Variants in SEPTIN8 observed in about 807,000 individuals in gnomAD.
SEPTIN8 encodes septin 8, also known as septin-8.
A neutral mutation model predicts 53.1 loss-of-function variants in SEPTIN8; 22 were observed. The ratio of observed to expected loss-of-function variants is 0.41; its 90% confidence interval spans 0.30 to 0.59. The LOEUF (loss-of-function observed/expected upper bound fraction) is 0.59. SEPTIN8 is among the 20% of genes least tolerant of loss of function. SEPTIN8 has a pLI of 0.24. For missense variants in SEPTIN8, 536 were observed against 638.7 expected, an observed-to-expected ratio of 0.84 and a Z score of 1.73; for synonymous variants, 228 against 248.4, an observed-to-expected ratio of 0.92 and a Z score of 0.77.
Position 132,764,436 on chromosome 5 carries a change from G to T in SEPTIN8, c.152-17C>A. On this transcript the variant is annotated splice_polypyrimidine_tract_variant and intron_variant, in intron 2 of 9. Transcript: ENST00000378719. ...CGGTCTCCCCTGGGCAGTGAGGACA[G>T]GAGGGGAAGAAGTGGGTGTCATAGG... The T allele has an allele frequency of 6.2e-7, 1 of 1,601,698 alleles. No homozygotes were observed. Among genetic ancestry groups the T allele is most frequent in the Non-Finnish European group, 8.5e-7 (1 of 1,172,534 alleles).
intron 2 of SEPTIN8, among the ~76,000 whole-genome samples, 181 bp downstream of exon 2, chr5:132,765,228 G>C (rs998340036): frequency 1.3e-5 from 2 of 152,046 alleles, no homozygotes. Flanking sequence ...GCTGTGTCAG[G>C]CCCTGGCTCT....
In SEPTIN8 at chr5:132,751,098, C is replaced by T. The variant is rs1754807774; in HGVS notation, c.*918G>A. 16 of 1,335,812 alleles carry T rather than the reference C, an allele frequency of 1.2e-5. No individual in the cohort carries two copies. The highest frequency in any genetic ancestry group is 1.4e-5 in the African/African-American group (1 of 69,036). 82.7% of individuals were successfully genotyped at this position (1,335,812 alleles called of 1,614,324 possible). On this transcript the variant is annotated 3_prime_UTR_variant, in exon 10 of 10. Transcript: ENST00000378719. The stretch of plus-strand genomic sequence containing the variant: ...GGCAAAGCACAGGCGTGCACACGCC[C>T]TTGCACATGCACCACAGTGAGGTGA...
chr5:132,755,290 C>T (rs1755224861), intron 9 of SEPTIN8, among the ~76,000 whole-genome samples: 1 of 152,204 alleles, frequency 6.6e-6, no homozygotes. Flanking sequence ...TTTCACCAGT[C>T]TGCTCTTCCT....
upstream of SEPTIN8, among the ~76,000 whole-genome samples, chr5:132,778,943 C>T (rs1757984076): frequency 6.6e-6 from 1 of 152,182 alleles, no homozygotes; most frequent in African/African-American, 2.4e-5. Flanking sequence ...TATGGCAGTT[C>T]TGCATTACAA....
At chr5:132,756,004 T>G (rs1755295029) in intron 9 of SEPTIN8, 1 of 984,342 alleles carries the variant, frequency 1.0e-6, no homozygotes, top group Non-Finnish European at 1.2e-6. Flanking sequence ...CCACAAAAAC[T>G]CAAAATAAAT....
chr5:132,775,726 G>A (rs1452337442), intron 1 of SEPTIN8: 1 of 152,228 alleles, frequency 6.6e-6, no homozygotes, highest in Non-Finnish European at 1.5e-5. Flanking sequence ...GAGACACCCA[G>A]GCACTCACGG....
rs746893873 is a variant in SEPTIN8 at position 132,763,918 on chromosome 5, G to C, written c.348-26C>G. 11 of 1,535,542 alleles carry C rather than the reference G, an allele frequency of 7.2e-6. No individual in the cohort carries two copies. The South Asian group carries it at 1.4e-4, about 20-fold the overall frequency. On this transcript the variant is annotated intron_variant, in intron 3 of 9. Coordinates refer to ENST00000378719, the MANE Select transcript of SEPTIN8 (RefSeq NM_001098811.2). ...CTACAGACAGCTCCATCACCCAGGA[G>C]GCTGCCAGCTGAGATCAGGGGCTTG...
intron 2 of SEPTIN8, 125 bp from the exon 3 acceptor site, chr5:132,764,544 GCCGCCCA>G: frequency 1.4e-6 from 1 of 700,910 alleles, no homozygotes; most frequent in Non-Finnish European, 2.4e-6. Context: ...AAAGGGGCAG[GCCGCCCA>G]CCCCATCCCT....
At chr5:132,774,825 C>G (rs1757642226) in intron 1 of SEPTIN8, among the ~76,000 whole-genome samples, 1 of 152,150 alleles carries the variant, frequency 6.6e-6, no homozygotes, top group Non-Finnish European at 1.5e-5. Flanking sequence ...TCCAAACATG[C>G]CACGGACTGC....
upstream of SEPTIN8, chr5:132,778,146 G>T (rs1343979389): frequency 3.3e-6 from 3 of 905,120 alleles, no homozygotes; most frequent in Non-Finnish European, 4.0e-6. Flanking sequence ...TACAAAAGCA[G>T]CTCCCAAATC....
intron 1 of SEPTIN8, among the ~76,000 whole-genome samples, chr5:132,771,380 A>G (rs1374830671): frequency 6.6e-6 from 1 of 152,184 alleles, no homozygotes; most frequent in Non-Finnish European, 1.5e-5. Flanking sequence ...ATACCCCACC[A>G]TAGGTGGATT....
In SEPTIN8 at chr5:132,761,545, G is replaced by A. The variant is rs752785770; in HGVS notation, c.875C>T (p.Thr292Ile). 2 of 1,613,866 alleles carry A rather than the reference G, an allele frequency of 1.2e-6. No individual in the cohort carries two copies. The highest frequency in any genetic ancestry group is 8.5e-7 in the Non-Finnish European group (1 of 1,180,008). The stretch of plus-strand genomic sequence containing the variant: ...GTAGAGCTCGTAGTGCCGGCTGTGG[G>A]TCTGCTCGCGGAGGTCTTCCATGTT... Reference protein sequence around the residue: ...RVNMEDLREQTHSRHYELYRR... With the variant: ...RVNMEDLREQIHSRHYELYRR... Residue 292 changes from threonine to isoleucine, a missense_variant, in exon 7 of 10, where the codon ACC (threonine) becomes ATC (isoleucine). Physicochemically the swap from Thr to Ile is moderately conservative, Grantham distance 89. Around this residue, in one of 3 missense-constraint regions of SEPTIN8, gnomAD observed 395 missense variants for 451.8 expected, o/e 0.87. Transcript: ENST00000378719. The surrounding 1 kb of genome is among the most constrained non-coding windows in gnomAD (Gnocchi z 5.8).
At chr5:132,762,118 G>T (rs1756041353) in intron 5 of SEPTIN8, among the ~76,000 whole-genome samples, 1 of 152,166 alleles carries the variant, frequency 6.6e-6, no homozygotes, top group African/African-American at 2.4e-5. Flanking sequence ...TGATTCTCCA[G>T]GCTGTTCTTT....
intron 5 of SEPTIN8, 119 bp from the exon 6 acceptor site, chr5:132,762,015 C>T (rs952285189): frequency 2.6e-6 from 2 of 777,598 alleles, no homozygotes; most frequent in South Asian, 1.8e-5. Flanking sequence ...GCTCCAGGGC[C>T]AGATGCTTAC....
Position 132,776,620 on chromosome 5 carries a change from C to G in SEPTIN8, c.30+488G>C, listed in dbSNP as rs754315762. ...AAGCAGGCCAAGGGTCTTCAGGACT[C>G]AAGTCTGCAACTGTCCTGGGCTCGT... is the stretch of plus-strand genomic sequence containing the variant. On this transcript the variant is annotated intron_variant, in intron 1 of 9. Coordinates refer to ENST00000378719, the MANE Select transcript of SEPTIN8 (RefSeq NM_001098811.2). The surrounding 1 kb of genome is among the most constrained non-coding windows in gnomAD (Gnocchi z 4.4). 1.3e-5 allele frequency among the ~76,000 whole-genome samples: 2 copies of G among 152,278 alleles called. No homozygotes were observed. Among genetic ancestry groups the G allele is most frequent in the East Asian group, 1.9e-4 (1 of 5,168 alleles).
upstream of SEPTIN8, among the ~76,000 whole-genome samples, chr5:132,778,466 G>A (rs1408896764): frequency 6.6e-6 from 1 of 152,186 alleles, no homozygotes; most frequent in African/African-American, 2.4e-5. Flanking sequence ...GCAAACTGTA[G>A]CTTGTCCCCA....
Position 132,761,578 on chromosome 5 carries a change from A to G in SEPTIN8, c.842T>C (p.Ile281Thr). ...GCGGAGGTCTTCCATGTTCACCCGGATCAACATCTCCCGCAGCTTCACGAA... is the reference window on the plus strand; with the variant it reads ...GCGGAGGTCTTCCATGTTCACCCGGGTCAACATCTCCCGCAGCTTCACGAA... Reference protein sequence around the residue: ...CDFVKLREMLIRVNMEDLREQ... With the variant: ...CDFVKLREMLTRVNMEDLREQ... The change falls in exon 7 of 10, where the codon ATC becomes ACC. Residue 281 changes from isoleucine to threonine, a missense_variant. Coordinates refer to ENST00000378719, the MANE Select transcript of SEPTIN8 (RefSeq NM_001098811.2). This position sits in a 1 kb window ranked among gnomAD's most constrained non-coding sequence, Gnocchi z 5.8. 1.2e-6 allele frequency: 2 copies of G among 1,613,976 alleles called. No individual in the cohort carries two copies. Among genetic ancestry groups the G allele is most frequent in the Non-Finnish European group, 1.7e-6 (2 of 1,179,996 alleles).
chr5:132,764,536 A>C (rs1474833634), intron 2 of SEPTIN8, 117 bp from the exon 3 acceptor site: 7 of 774,488 alleles, frequency 9.0e-6, no homozygotes, highest in Non-Finnish European at 1.4e-5. Context: ...GATAAGAGAA[A>C]GGGGCAGGCC....
Position 132,770,041 on chromosome 5 carries a change from ATGTGTGTGTGTGTGTGTGTGTG to A in SEPTIN8, c.31-4534_31-4513del, listed in dbSNP as rs1180280053. ...TATATATACACACACATATATATAT[ATGTGTGTGTGTGTGTGTGTGTG>A]TATATATATATATATATGTATATAT... On this transcript the variant is annotated intron_variant, in intron 1 of 9. Transcript: ENST00000378719. Among the ~76,000 whole-genome samples the A allele has an allele frequency of 1.5e-3, 128 of 82,816 alleles. 2 individuals carry two copies. Among genetic ancestry groups the A allele is most frequent in the Middle Eastern group, 0.011 (2 of 182 alleles). The allele number at this position is 82,816 out of a possible 152,430, so 54.3% of individuals were successfully genotyped here.
Sources: allele counts gnomAD v4.1 joint callset (sites outside exome capture counted in the v4.1 genomes callset), GRCh38; gene constraint gnomAD v4.1.1; regional missense constraint gnomAD v4.1.1; non-coding constraint Gnocchi (gnomAD v3.1); transcripts MANE v1.5; gene names NCBI Gene and HGNC (gene_info 2026-07-23, HGNC 2026-07-21).